Variants in RHOA observed in about 807,000 individuals in gnomAD.
RHOA encodes transforming protein RhoA.
Under a neutral mutation model 17.5 loss-of-function variants are expected in RHOA, and 3 were observed. The ratio of observed to expected loss-of-function variants is 0.17; its 90% confidence interval spans 0.08 to 0.44. RHOA has a LOEUF of 0.44. Ranked by LOEUF, RHOA falls within the 20% of genes least tolerant of loss-of-function variation. RHOA has a pLI of 0.99. For missense variants in RHOA, 56 were observed against 242.3 expected, an observed-to-expected ratio of 0.23 and a Z score of 5.10; for synonymous variants, 98 against 88.4, an observed-to-expected ratio of 1.11 and a Z score of -0.61.
intron 1 of RHOA, among the ~76,000 whole-genome samples, chr3:49,409,090 G>A (rs1470867490): frequency 1.3e-5 from 2 of 151,068 alleles, no homozygotes; most frequent in East Asian, 4.0e-4. Context: ...GCCCTGCCAG[G>A]ATCCTTTTAA....
rs1386276711 is a variant in RHOA, at chr3:49,368,449, T to C, written c.256A>G (p.Ile86Val). The C allele has an allele frequency of 1.2e-6, 2 of 1,613,970 alleles. No individual in the cohort carries two copies. Among genetic ancestry groups the C allele is most frequent in the Non-Finnish European group, 8.5e-7 (1 of 1,179,934 alleles). ...TCACCTAAACTATCAGGGCTGTCGA[T>C]GGAAAAACACATCAGTATAACATCG... is the stretch of plus-strand genomic sequence containing the variant. ...DTDVILMCFSIDSPDSLENIP... is the reference protein window; with the variant it reads ...DTDVILMCFSVDSPDSLENIP... Residue 86 changes from isoleucine (I) to valine (V), a missense_variant, in exon 3 of 5, where the codon ATC becomes GTC. Physicochemically the swap from Ile to Val is conservative, Grantham distance 29. Transcript: ENST00000418115.
intron 1 of RHOA, among the ~76,000 whole-genome samples, chr3:49,384,356 C>T (rs2048364222): frequency 6.6e-6 from 1 of 152,114 alleles, no homozygotes; most frequent in Non-Finnish European, 1.5e-5. Flanking sequence ...AAGGAAATCA[C>T]GCTTAGCTCT....
rs2047914337 is a variant in RHOA, at chr3:49,359,222, AAG to A, written c.*985_*986del. The A allele has an allele frequency of 2.6e-5, 5 of 190,872 alleles. No homozygotes were observed. The East Asian group carries it at 3.3e-4, about 13-fold the overall frequency. The allele number at this position is 190,872 out of a possible 1,614,324, so 11.8% of individuals were successfully genotyped here. A position where few individuals can be genotyped will look rare whatever the true frequency, so the allele number is the denominator to read the frequency against. ...AAAAAAAGTTTAGTCAGCTGGAGAG[AAG>A]AGAGACTGAGTGCCACCCATGAGAA... On this transcript the variant is annotated 3_prime_UTR_variant, in exon 5 of 5. Transcript: ENST00000418115.
At chr3:49,368,614 A>C in intron 2 of RHOA, 66 bp from the exon 3 acceptor site, 3 of 1,574,332 alleles carry the variant, frequency 1.9e-6, no homozygotes, top group Non-Finnish European at 2.6e-6. Context: ...AGAAAAAGTG[A>C]CACTTACCAT....
At chr3:49,393,114 T>C (rs2048536397) in intron 1 of RHOA, among the ~76,000 whole-genome samples, 1 of 152,048 alleles carries the variant, frequency 6.6e-6, no homozygotes, top group Admixed American at 6.6e-5. Flanking sequence ...AGGCGGAGGC[T>C]GCAGTGAGCC....
chr3:49,368,845 C>T (rs1252557577), intron 2 of RHOA, among the ~76,000 whole-genome samples: 5 of 150,754 alleles, frequency 3.3e-5, no homozygotes, highest in African/African-American at 4.9e-5. Context: ...GTAGCTGGGA[C>T]TACAGGTGCC....
intron 1 of RHOA, among the ~76,000 whole-genome samples, chr3:49,379,757 C>A (rs1258141209): frequency 6.6e-6 from 1 of 152,182 alleles, no homozygotes; most frequent in Non-Finnish European, 1.5e-5. Flanking sequence ...GTCAAGCGAT[C>A]CTCCTGCCTG....
chr3:49,381,838 T>A (rs1455515904), intron 1 of RHOA, among the ~76,000 whole-genome samples: 1 of 146,226 alleles, frequency 6.8e-6, no homozygotes, highest in South Asian at 2.2e-4. Flanking sequence ...GCACTCCAGT[T>A]TAGGCAACAA....
intron 2 of RHOA, among the ~76,000 whole-genome samples, chr3:49,369,758 T>A (rs1317878252): frequency 3.7e-5 from 5 of 134,528 alleles, no homozygotes; most frequent in East Asian, 2.3e-4. Flanking sequence ...AAAAAAAAAA[T>A]AAATAAAATA....
intron 1 of RHOA, among the ~76,000 whole-genome samples, chr3:49,407,643 A>C (rs1650529023): frequency 6.6e-6 from 1 of 152,020 alleles, no homozygotes; most frequent in Non-Finnish European, 1.5e-5. Flanking sequence ...TTTTAATATC[A>C]GATCATGTCA....
chr3:49,391,824 T>C (rs1198816351), intron 1 of RHOA, among the ~76,000 whole-genome samples: 1 of 32,550 alleles, frequency 3.1e-5, no homozygotes, highest in African/African-American at 1.3e-4. Context: ...TTAATTTATC[T>C]TTTTTTTTTT....
At chr3:49,393,668 TTCTCTCTCTGTGTGTGTGTGTG>T (rs2048553643) in intron 1 of RHOA, among the ~76,000 whole-genome samples, 1 of 29,640 alleles carries the variant, frequency 3.4e-5, no homozygotes, top group African/African-American at 1.0e-4. Flanking sequence ...TTGTCTCAAA[TTCTCTCTCTGTGTGTGTGTGTG>T]TGTGTGTGTG....
intron 1 of RHOA, among the ~76,000 whole-genome samples, chr3:49,398,325 C>T (rs1484850863): frequency 6.6e-6 from 1 of 151,792 alleles, no homozygotes; most frequent in East Asian, 1.9e-4. Flanking sequence ...TGCACTCCAC[C>T]CTGGGTAACA....
At chr3:49,362,467 C>T (rs367717912) in intron 4 of RHOA, 29 bp downstream of exon 4, 27 of 1,585,322 alleles carry the variant, frequency 1.7e-5, no homozygotes, top group Non-Finnish European at 2.1e-5. Flanking sequence ...TTCAAGAATA[C>T]TACAAGACAG....
At position 49,368,471 on chromosome 3, in the gene RHOA, A is replaced by G. The variant is rs372868120; in HGVS notation, c.234T>C (p.Asp78=). The change falls in exon 3 of 5, where the codon GAT becomes GAC. Residue 78 remains aspartate, a synonymous_variant. Transcript: ENST00000418115. ...CGATGGAAAAACACATCAGTATAAC[A>G]TCGGTATCTGGGTAGGAGAGGGGCC... The part of the protein sequence containing the change: ...RLRPLSYPDT[D]VILMCFSIDS... The G allele has an allele frequency of 3.0e-5, 49 of 1,614,048 alleles. No individual in the cohort carries two copies. The highest frequency in any genetic ancestry group is 4.2e-5 in the Non-Finnish European group (49 of 1,179,988).
At chr3:49,377,316 G>A (rs1352517079) in intron 1 of RHOA, among the ~76,000 whole-genome samples, 2 of 151,950 alleles carry the variant, frequency 1.3e-5, no homozygotes, top group African/African-American at 2.4e-5. Flanking sequence ...AAAAGGGCCG[G>A]GCGCAGTGGC....
At chr3:49,396,898 G>A (rs2048625093) in intron 1 of RHOA, among the ~76,000 whole-genome samples, 1 of 152,142 alleles carries the variant, frequency 6.6e-6, no homozygotes, top group Non-Finnish European at 1.5e-5. Flanking sequence ...GGGAGGCTGA[G>A]GTGGGAGGAT....
At chr3:49,400,456 G>A (rs2048704622) in intron 1 of RHOA, among the ~76,000 whole-genome samples, 1 of 152,018 alleles carries the variant, frequency 6.6e-6, no homozygotes, top group Admixed American at 6.6e-5. Flanking sequence ...GTGGCTTCCT[G>A]GCTACTCTAA....
At chr3:49,382,320 A>AAAAT (rs1259820748) in intron 1 of RHOA, among the ~76,000 whole-genome samples, 3 of 146,502 alleles carry the variant, frequency 2.0e-5, no homozygotes, top group Non-Finnish European at 3.0e-5. Flanking sequence ...CTCCGTCTCA[A>AAAAT]AAATAAATAA....
Sources: gnomAD v4.1 joint callset for allele counts (sites outside exome capture counted in the v4.1 genomes callset) on GRCh38, gnomAD v4.1.1 for gene constraint, MANE v1.5 for transcripts, NCBI Gene and HGNC (gene_info 2026-07-23, HGNC 2026-07-21) for gene names.